The following OPCML variants were observed in gnomAD, a reference collection of about 807,000 sequenced individuals.
OPCML encodes the protein opioid-binding protein/cell adhesion molecule.
OPCML carries 13 observed loss-of-function variants against 37.8 expected under a neutral mutation model. That is an observed-to-expected ratio of 0.34 (90% CI 0.22 to 0.55). OPCML has a LOEUF of 0.55. Ranked by LOEUF, OPCML falls within the 20% of genes least tolerant of loss-of-function variation. The pLI is 0.91. For synonymous variants in OPCML, 176 were observed against 168.8 expected (o/e 1.04, Z -0.33); for missense variants, 341 against 435.6 (o/e 0.78, Z 1.93).
chr11:132,673,980 C>T (rs553135516), intron 2 of OPCML, among the ~76,000 whole-genome samples: 6 of 152,050 alleles, frequency 3.9e-5, no homozygotes, highest in Non-Finnish European at 7.3e-5. Context: ...CTGGTTCTAC[C>T]TTTTTCCAAT....
intron 3 of OPCML, among the ~76,000 whole-genome samples, chr11:132,532,693 G>C (rs532425142): frequency 6.6e-6 from 1 of 152,136 alleles, no homozygotes; most frequent in East Asian, 1.9e-4. Flanking sequence ...CCTTCCCAGA[G>C]CATCTCCCCT....
chr11:133,262,647 A>G (rs975009640), intron 1 of OPCML, among the ~76,000 whole-genome samples: 2 of 152,162 alleles, frequency 1.3e-5, no homozygotes, highest in Non-Finnish European at 2.9e-5. Flanking sequence ...TGCCAACGCT[A>G]TGAATATCTT....
chr11:133,427,170 C>A (rs961742852), intron 1 of OPCML, among the ~76,000 whole-genome samples: 1 of 152,014 alleles, frequency 6.6e-6, no homozygotes, highest in African/African-American at 2.4e-5. Flanking sequence ...ACCTCATTTT[C>A]AAGTGACCAC....
chr11:132,564,675 C>T (rs1033133472), intron 3 of OPCML, among the ~76,000 whole-genome samples: 5 of 152,026 alleles, frequency 3.3e-5, no homozygotes, highest in African/African-American at 1.2e-4. Flanking sequence ...TTACACTGCT[C>T]CTAAGGGAGT....
intron 2 of OPCML, among the ~76,000 whole-genome samples, chr11:132,935,989 T>A (rs145806712): frequency 1.4e-3 from 209 of 152,300 alleles, no homozygotes; most frequent in African/African-American, 4.7e-3. Context: ...GCCATGAGCA[T>A]CCATGATCCC....
intron 2 of OPCML, among the ~76,000 whole-genome samples, chr11:132,785,578 T>C (rs991257980): frequency 6.6e-6 from 1 of 152,182 alleles, no homozygotes; most frequent in African/African-American, 2.4e-5. Context: ...CTAGTAAATA[T>C]ATAACAACAA....
chr11:132,470,890 T>C lies in OPCML; in HGVS notation c.506-33531A>G, dbSNP rs147783623. 5.4e-3 allele frequency among the ~76,000 whole-genome samples: 822 copies of C among 152,172 alleles called. 13 individuals are homozygous for C. The highest frequency in any genetic ancestry group is 0.019 in the African/African-American group (795 of 41,538). Reference sequence around the variant, plus strand: ...CCAGTTAGGATTATTTATTAAAAAGTAGAGACAGAAGAAAAGGCGTTCTAG... The same window carrying C: ...CCAGTTAGGATTATTTATTAAAAAGCAGAGACAGAAGAAAAGGCGTTCTAG... On this transcript the variant is annotated intron_variant, in intron 4 of 7. Coordinates refer to ENST00000524381, the MANE Select transcript of OPCML (RefSeq NM_001012393.5).
intron 4 of OPCML, among the ~76,000 whole-genome samples, chr11:132,521,533 C>T (rs1253923954): frequency 2.0e-5 from 3 of 151,884 alleles, no homozygotes; most frequent in African/African-American, 7.3e-5. Flanking sequence ...AGCAAACTAA[C>T]ACAGGAACAG....
intron 1 of OPCML, among the ~76,000 whole-genome samples, chr11:133,445,160 G>A (rs1033976732): frequency 4.8e-5 from 7 of 147,202 alleles, no homozygotes; most frequent in South Asian, 2.2e-4. Flanking sequence ...AGGTATGAAA[G>A]GTCACCAAGA....
chr11:132,908,309 C>T (rs547542731), intron 2 of OPCML, among the ~76,000 whole-genome samples: 293 of 152,330 alleles, frequency 1.9e-3, no homozygotes, highest in South Asian at 3.5e-3. Context: ...CATATATGCA[C>T]ACACGTGCAC....
At chr11:132,566,884 A>G (rs1045154632) in intron 3 of OPCML, among the ~76,000 whole-genome samples, 6 of 152,128 alleles carry the variant, frequency 3.9e-5, no homozygotes, top group African/African-American at 1.4e-4. Context: ...GGATGAAGAC[A>G]GAATCCCAGG....
intron 1 of OPCML, among the ~76,000 whole-genome samples, chr11:133,305,408 T>A (rs1005842175): frequency 6.6e-6 from 1 of 152,186 alleles, no homozygotes; most frequent in Non-Finnish European, 1.5e-5. Flanking sequence ...TAAAGAGCCT[T>A]CCCTTCAGCT....
At chr11:132,987,022 G>A (rs1591882403) in intron 1 of OPCML, among the ~76,000 whole-genome samples, 3 of 152,268 alleles carry the variant, frequency 2.0e-5, no homozygotes, top group East Asian at 1.9e-4. Flanking sequence ...ACTTCAAGAC[G>A]GGTTTCTAAC....
chr11:132,452,615 T>C (rs974029290), intron 4 of OPCML, among the ~76,000 whole-genome samples: 6 of 151,678 alleles, frequency 4.0e-5, no homozygotes, highest in Admixed American at 2.0e-4. Context: ...CTTCCTACTT[T>C]CCTTCCTTCT....
intron 1 of OPCML, among the ~76,000 whole-genome samples, chr11:133,278,334 G>C (rs190756982): frequency 6.6e-6 from 1 of 151,860 alleles, no homozygotes; most frequent in Non-Finnish European, 1.5e-5. Flanking sequence ...TTTTAGGGGG[G>C]GTTATTGTTT....
chr11:132,491,428 T>C (rs1487807550), intron 4 of OPCML, among the ~76,000 whole-genome samples: 1 of 152,234 alleles, frequency 6.6e-6, no homozygotes, highest in Non-Finnish European at 1.5e-5. Context: ...TGCTCCTTGC[T>C]CAGACAGTGT....
At chr11:133,509,112 T>A (rs1057418489) in intron 1 of OPCML, among the ~76,000 whole-genome samples, 2 of 152,146 alleles carry the variant, frequency 1.3e-5, no homozygotes, top group African/African-American at 4.8e-5. Flanking sequence ...GACGTGCAGG[T>A]TTGTTACATT....
At chr11:133,391,942 A>G (rs575925458) in intron 1 of OPCML, among the ~76,000 whole-genome samples, 1 of 152,326 alleles carries the variant, frequency 6.6e-6, no homozygotes, top group South Asian at 2.1e-4. Context: ...AGATAGAAAA[A>G]GAAGCTAAGA....
At chr11:133,194,300 T>C (rs1378270154) in intron 1 of OPCML, among the ~76,000 whole-genome samples, 1 of 141,840 alleles carries the variant, frequency 7.1e-6, no homozygotes, top group African/African-American at 2.6e-5. Flanking sequence ...AACCTCCGCC[T>C]CCCAGGCTCA....
Sources: allele counts gnomAD v4.1 joint callset (sites outside exome capture counted in the v4.1 genomes callset), GRCh38; gene constraint gnomAD v4.1.1; transcripts MANE v1.5; gene names NCBI Gene and HGNC (gene_info 2026-07-23, HGNC 2026-07-21).